The following NUDT9 variants were observed in gnomAD, a reference collection of about 807,000 sequenced individuals.
NUDT9 encodes the protein ADP-ribose pyrophosphatase.
A neutral mutation model predicts 41.0 loss-of-function variants in NUDT9; 31 were observed. That is an observed-to-expected ratio of 0.76 (90% confidence interval 0.57 to 1.02). The LOEUF (loss-of-function observed/expected upper bound fraction) is 1.02. NUDT9 is among the 50% of genes least tolerant of loss of function. The probability of loss-of-function intolerance (pLI) is 0.00; values close to 1 mark genes in which losing one functional copy is unlikely to be tolerated. For missense variants in NUDT9, 380 were observed against 431.4 expected (o/e 0.88, Z 1.06); for synonymous variants, 146 against 147.6 (o/e 0.99, Z 0.08).
intron 7 of NUDT9, 119 bp from the exon 8 acceptor site, chr4:87,457,724 C>T (rs1723049317): frequency 2.3e-6 from 2 of 861,640 alleles, no homozygotes; most frequent in Non-Finnish European, 3.5e-6. Context: ...GTTTTTAATT[C>T]ACTTGGCCGG....
intron 1 of NUDT9, among the ~76,000 whole-genome samples, chr4:87,425,910 G>A (rs1721395572): frequency 2.0e-5 from 3 of 151,990 alleles, no homozygotes; most frequent in Admixed American, 2.0e-4. Context: ...TGGGCTCAGT[G>A]ATTGTCCCAG....
At chr4:87,431,665 T>C (rs911194432) in intron 1 of NUDT9, among the ~76,000 whole-genome samples, 1 of 152,208 alleles carries the variant, frequency 6.6e-6, no homozygotes, top group East Asian at 1.9e-4. Context: ...TCTATGCTAT[T>C]GTAAGTAGAA....
At position 87,456,146 on chromosome 4, in the gene NUDT9, G is replaced by A. The variant is rs190264440; in HGVS notation, c.874+1691G>A. On this transcript the variant is annotated intron_variant, in intron 7 of 7. Coordinates refer to ENST00000302174, the MANE Select transcript of NUDT9 (RefSeq NM_024047.5). ...GGGTTTCCCTGGAGACTTATTAAAT[G>A]AGGTCTGAAGCATGCCCTTCTTTCA... is the stretch of plus-strand genomic sequence containing the variant. Among the ~76,000 whole-genome samples the A allele has an allele frequency of 3.1e-3, 477 of 152,288 alleles. 3 individuals are homozygous for A. Among genetic ancestry groups the A allele is most frequent in the Middle Eastern group, 6.8e-3 (2 of 294 alleles).
At chr4:87,446,585 GATAGTA>G (rs1722470365) in intron 4 of NUDT9, among the ~76,000 whole-genome samples, 4 of 152,088 alleles carry the variant, frequency 2.6e-5, no homozygotes, top group Admixed American at 2.6e-4. Flanking sequence ...AGTTTAAGTA[GATAGTA>G]TAGTAATTAA....
rs1310084987 is a variant in NUDT9 at position 87,435,236 on chromosome 4, A to G, written c.347+16A>G. On this transcript the variant is annotated intron_variant, in intron 2 of 7. Transcript: ENST00000302174. Reference sequence around the variant, plus strand: ...CTCAGATCAGGTGAGCAAATAAGACAGCGTTAGCTGGGAATAAGACTTTTA... The same window carrying G: ...CTCAGATCAGGTGAGCAAATAAGACGGCGTTAGCTGGGAATAAGACTTTTA... The G allele has an allele frequency of 3.1e-6, 5 of 1,598,070 alleles. No individual in the cohort carries two copies. The Admixed American group carries it at 8.8e-5, about 28-fold the overall frequency.
At chr4:87,425,687 C>G (rs1170567824) in intron 1 of NUDT9, among the ~76,000 whole-genome samples, 1 of 143,756 alleles carries the variant, frequency 7.0e-6, no homozygotes, top group Non-Finnish European at 1.5e-5. Flanking sequence ...TGAGCCCCCA[C>G]GCCTGGCCAA....
intron 6 of NUDT9, 67 bp downstream of exon 6, chr4:87,451,802 C>T: frequency 1.5e-6 from 2 of 1,372,028 alleles, no homozygotes; most frequent in Non-Finnish European, 2.0e-6. Flanking sequence ...AAAAGTTGAC[C>T]TGGAAATCTG....
In NUDT9 at chr4:87,449,176, C is replaced by T. The variant is rs1015079225; in HGVS notation, c.565C>T (p.His189Tyr). Residue 189 changes from histidine (H) to tyrosine (Y), a missense_variant, in exon 5 of 8, where the codon CAT (histidine) becomes TAT (tyrosine). By Grantham distance (83) the His-to-Tyr change is moderately conservative. Coordinates refer to ENST00000302174, the MANE Select transcript of NUDT9 (RefSeq NM_024047.5). ...GGATAGCAGTGGAAATAAAATCATGCATCCTGTTTCTGGGAAGCATATCTT... is the reference window on the plus strand; with the variant it reads ...GGATAGCAGTGGAAATAAAATCATGTATCCTGTTTCTGGGAAGCATATCTT... ...KRDSSGNKIMHPVSGKHILQF... is the reference protein window; with the variant it reads ...KRDSSGNKIMYPVSGKHILQF... 1 of 1,609,148 alleles carries T rather than the reference C, an allele frequency of 6.2e-7. No individual in the cohort carries two copies. The highest frequency in any genetic ancestry group is 1.3e-5 in the African/African-American group (1 of 74,812).
chr4:87,424,326 C>T (rs1401647845), intron 1 of NUDT9, among the ~76,000 whole-genome samples: 5 of 142,784 alleles, frequency 3.5e-5, no homozygotes, highest in African/African-American at 1.3e-4. Context: ...GTGGCGCGAT[C>T]TCGGCTCACT....
intron 1 of NUDT9, among the ~76,000 whole-genome samples, chr4:87,423,736 A>G (rs1324648227): frequency 6.6e-6 from 1 of 152,070 alleles, no homozygotes; most frequent in East Asian, 1.9e-4. Flanking sequence ...CGAACATGTG[A>G]TGGGCACTGG....
intron 7 of NUDT9, among the ~76,000 whole-genome samples, 192 bp downstream of exon 7, chr4:87,454,647 A>G (rs548324262): frequency 6.6e-6 from 1 of 152,360 alleles, no homozygotes; most frequent in East Asian, 1.9e-4. Flanking sequence ...AACTTTTATC[A>G]CCAGTGACTA....
At chr4:87,437,405 A>G (rs968163792) in intron 2 of NUDT9, among the ~76,000 whole-genome samples, 1 of 151,868 alleles carries the variant, frequency 6.6e-6, no homozygotes, top group Non-Finnish European at 1.5e-5. Context: ...CAGTGGCGCC[A>G]TCTCGGCTCA....
intron 3 of NUDT9, 60 bp downstream of exon 3, chr4:87,438,432 T>C: frequency 1.1e-6 from 1 of 915,704 alleles, no homozygotes; most frequent in Non-Finnish European, 1.8e-6. Flanking sequence ...GAAAAGATAG[T>C]TCATATTTAT....
chr4:87,452,952 C>T (rs1159139197), intron 6 of NUDT9, among the ~76,000 whole-genome samples: 1 of 151,492 alleles, frequency 6.6e-6, no homozygotes, highest in East Asian at 2.0e-4. Flanking sequence ...GCTGGGATTA[C>T]AAGCATGTGC....
chr4:87,432,287 G>T (rs895494903), intron 1 of NUDT9, among the ~76,000 whole-genome samples: 1 of 152,132 alleles, frequency 6.6e-6, no homozygotes, highest in African/African-American at 2.4e-5. Context: ...GTAGCCTGGA[G>T]ATACTTTTAT....
At chr4:87,453,686 C>T (rs774679588) in intron 6 of NUDT9, among the ~76,000 whole-genome samples, 1 of 151,970 alleles carries the variant, frequency 6.6e-6, no homozygotes, top group Non-Finnish European at 1.5e-5. Context: ...CCTCCGCCTC[C>T]CAAAGTGCTG....
In NUDT9 at chr4:87,448,207, C is replaced by T. The variant is rs117337935; in HGVS notation, c.531-935C>T. Among the ~76,000 whole-genome samples the T allele has an allele frequency of 2.2e-4, 31 of 141,736 alleles. No homozygotes were observed. The East Asian group carries it at 5.8e-3, about 27-fold the overall frequency. The allele number at this position is 141,736 out of a possible 152,430, so 93.0% of individuals were successfully genotyped here. ...TCATCCAGGCTGGAGTGTAATGGCA[C>T]GATCTTTGCTCACTGCAGCCTCTGC... is the stretch of plus-strand genomic sequence containing the variant. On this transcript the variant is annotated intron_variant, in intron 4 of 7. Transcript: ENST00000302174.
chr4:87,455,191 C>T (rs1475380597), intron 7 of NUDT9, among the ~76,000 whole-genome samples: 1 of 152,118 alleles, frequency 6.6e-6, no homozygotes, highest in Admixed American at 6.5e-5. Context: ...ATCATTTGTC[C>T]TCTTGGACTC....
At chr4:87,444,063 C>A (rs908086972) in intron 4 of NUDT9, among the ~76,000 whole-genome samples, 7 of 152,030 alleles carry the variant, frequency 4.6e-5, no homozygotes, top group African/African-American at 1.7e-4. Context: ...TTCTAATGTA[C>A]CTGAAATATT....
Sources: gnomAD v4.1 joint callset for allele counts (sites outside exome capture counted in the v4.1 genomes callset) on GRCh38, gnomAD v4.1.1 for gene constraint, MANE v1.5 for transcripts, NCBI Gene and HGNC (gene_info 2026-07-23, HGNC 2026-07-21) for gene names.